PLD1: variants seen among roughly 807,000 people sequenced by gnomAD.
PLD1 encodes the protein choline phosphatase 1.
A neutral mutation model predicts 137.1 loss-of-function variants in PLD1; 112 were observed. The ratio of observed to expected loss-of-function variants is 0.82; its 90% CI spans 0.70 to 0.96. The LOEUF (loss-of-function observed/expected upper bound fraction) is 0.96. Among genes scored for constraint, PLD1 ranks in the 40% least tolerant of loss-of-function variants. The pLI is 0.00. For synonymous variants in PLD1, 431 were observed against 454.7 expected, an observed-to-expected ratio of 0.95 and a Z score of 0.66; for missense variants, 1,321 against 1,342.0, an observed-to-expected ratio of 0.98 and a Z score of 0.24.
intron 6 of PLD1, among the ~76,000 whole-genome samples, chr3:171,732,011 T>C (rs1179472537): frequency 6.6e-6 from 1 of 151,936 alleles, no homozygotes; most frequent in Non-Finnish European, 1.5e-5. Context: ...AAGAGAAGAA[T>C]GAACTCACCA....
In PLD1 at chr3:171,687,482, G is replaced by A. The variant is rs1282308177; in HGVS notation, c.1642C>T (p.Leu548=). The change falls in exon 15 of 27, where the codon CTG becomes TTG. Residue 548 remains leucine, a synonymous_variant. Transcript: ENST00000351298. ...TTTCTTGGCTTTCCTATTCCTTTCA[G>A]TTTTGAATCCACATCATCAATACTC... is the stretch of plus-strand genomic sequence containing the variant. The part of the protein sequence containing the change: ...QKSIDDVDSK[L]KGIGKPRKFS... 1.2e-6 allele frequency: 2 copies of A among 1,613,994 alleles called. No homozygotes were observed. Among genetic ancestry groups the A allele is most frequent in the East Asian group, 4.5e-5 (2 of 44,880 alleles).
At chr3:171,796,933 C>T (rs1359835931) in intron 1 of PLD1, among the ~76,000 whole-genome samples, 1 of 152,194 alleles carries the variant, frequency 6.6e-6, no homozygotes, top group Non-Finnish European at 1.5e-5. Flanking sequence ...TCTTCCTGCA[C>T]CATCCGTCGC....
intron 8 of PLD1, among the ~76,000 whole-genome samples, chr3:171,715,478 T>C (rs1717605378): frequency 6.6e-6 from 1 of 152,218 alleles, no homozygotes; most frequent in South Asian, 2.1e-4. Flanking sequence ...TTATGTGAAT[T>C]TTAGGATTGT....
At chr3:171,728,619 C>T (rs752155568) in intron 6 of PLD1, among the ~76,000 whole-genome samples, 13 of 151,990 alleles carry the variant, frequency 8.6e-5, no homozygotes, top group Non-Finnish European at 1.8e-4. Flanking sequence ...CCAGAACAAC[C>T]GAAGGGAAGA....
chr3:171,755,664 A>G (rs974270117), intron 1 of PLD1, among the ~76,000 whole-genome samples: 6 of 152,216 alleles, frequency 3.9e-5, no homozygotes, highest in African/African-American at 1.4e-4. Flanking sequence ...CAGGGATACC[A>G]CTAGTGAATA....
At position 171,620,750 on chromosome 3, in the gene PLD1, A is replaced by C. The variant is rs867131477; in HGVS notation, c.2594-230T>G. Among the ~76,000 whole-genome samples the C allele has an allele frequency of 0.031, 3,768 of 122,782 alleles. 56 individuals carry two copies. Among genetic ancestry groups the C allele is most frequent in the Non-Finnish European group, 0.038 (2,311 of 60,068 alleles). The allele number at this position is 122,782 out of a possible 152,430, so 80.5% of individuals were successfully genotyped here. On this transcript the variant is annotated intron_variant, in intron 23 of 26. Transcript: ENST00000351298. ...TCTCTCTCTCTCTCTCTCTATATAT[A>C]TATATATATATATATATATTATATA...
intron 1 of PLD1, chr3:171,793,589 T>TA (rs1723305603): frequency 6.6e-6 from 1 of 152,202 alleles, no homozygotes; most frequent in Non-Finnish European, 1.5e-5. Flanking sequence ...TTGTAGCCAT[T>TA]ATTAAGTAAA....
At chr3:171,669,569 T>C (rs946446393) in intron 19 of PLD1, among the ~76,000 whole-genome samples, 2 of 152,172 alleles carry the variant, frequency 1.3e-5, no homozygotes, top group African/African-American at 4.8e-5. Context: ...GCCCAGCTAA[T>C]TTTTGTATTT....
At chr3:171,651,365 C>T (rs556440653) in intron 21 of PLD1, among the ~76,000 whole-genome samples, 1 of 151,662 alleles carries the variant, frequency 6.6e-6, no homozygotes, top group South Asian at 2.1e-4. Flanking sequence ...GAATTTTATA[C>T]TATGGTGGTA....
intron 8 of PLD1, among the ~76,000 whole-genome samples, chr3:171,715,257 G>T (rs1717584645): frequency 6.6e-6 from 1 of 152,202 alleles, no homozygotes; most frequent in South Asian, 2.1e-4. Flanking sequence ...GGAAAAATCA[G>T]TAGGCTGTAG....
intron 1 of PLD1, among the ~76,000 whole-genome samples, chr3:171,747,214 G>A (rs959500357): frequency 1.3e-5 from 2 of 152,182 alleles, no homozygotes; most frequent in Non-Finnish European, 2.9e-5. Context: ...ACAAGGGTCT[G>A]CGGCTTCATT....
intron 1 of PLD1, among the ~76,000 whole-genome samples, chr3:171,775,656 G>A (rs1344285676): frequency 1.2e-4 from 18 of 151,916 alleles, no homozygotes; most frequent in African/African-American, 2.9e-4. Context: ...CAGCCTGGCC[G>A]ACATGGTGAA....
chr3:171,753,888 T>C (rs1720837849), intron 1 of PLD1, among the ~76,000 whole-genome samples: 2 of 152,230 alleles, frequency 1.3e-5, no homozygotes, highest in Non-Finnish European at 2.9e-5. Flanking sequence ...CCTGCTCAGC[T>C]GGACTGAACC....
At chr3:171,746,957 T>C (rs1014994546) in intron 1 of PLD1, among the ~76,000 whole-genome samples, 1 of 152,194 alleles carries the variant, frequency 6.6e-6, no homozygotes, top group Non-Finnish European at 1.5e-5. Context: ...GCACTGCTTT[T>C]ATTAGCTGTA....
Position 171,688,671 on chromosome 3 carries a change from C to G in PLD1, c.1539+5G>C. On this transcript the variant is annotated splice_donor_5th_base_variant and intron_variant, in intron 14 of 26. Transcript: ENST00000351298. ...TACATTTCCATAAAGGTTAAATATACTTACTGGGAGGGAACCCAGAGACGG... is the reference window on the plus strand; with the variant it reads ...TACATTTCCATAAAGGTTAAATATAGTTACTGGGAGGGAACCCAGAGACGG... 6.2e-7 allele frequency: 1 copy of G among 1,603,744 alleles called. No individual in the cohort carries two copies. The highest frequency in any genetic ancestry group is 8.5e-7 in the Non-Finnish European group (1 of 1,170,548).
chr3:171,743,972 T>C (rs554381709), intron 1 of PLD1, among the ~76,000 whole-genome samples: 1 of 152,294 alleles, frequency 6.6e-6, no homozygotes. Flanking sequence ...CAAAGAGATA[T>C]TATTTTCCCT....
intron 21 of PLD1, among the ~76,000 whole-genome samples, chr3:171,651,277 G>A (rs1736743148): frequency 6.6e-6 from 1 of 152,066 alleles, no homozygotes; most frequent in South Asian, 2.1e-4. Context: ...AGATTTTGCA[G>A]CAGTGAATAC....
intron 23 of PLD1, among the ~76,000 whole-genome samples, chr3:171,628,477 T>A (rs887366440): frequency 6.6e-6 from 1 of 151,798 alleles, no homozygotes; most frequent in Non-Finnish European, 1.5e-5. Flanking sequence ...TTCCAATCAA[T>A]AGAAAAAGAG....
chr3:171,624,078 C>T (rs955915482), intron 23 of PLD1, among the ~76,000 whole-genome samples: 3 of 145,172 alleles, frequency 2.1e-5, no homozygotes, highest in Non-Finnish European at 4.6e-5. Flanking sequence ...ACACGACAAG[C>T]AAAAAACAAA....
Sources: gnomAD v4.1 joint callset for allele counts (sites outside exome capture counted in the v4.1 genomes callset) on GRCh38, gnomAD v4.1.1 for gene constraint, MANE v1.5 for transcripts, NCBI Gene and HGNC (gene_info 2026-07-23, HGNC 2026-07-21) for gene names.